Variants in NARS1 observed in about 807,000 individuals in gnomAD.
NARS1 encodes asparagine--tRNA ligase, cytoplasmic.
NARS1 carries 65 observed loss-of-function variants against 79.2 expected under a neutral mutation model. That is an observed-to-expected ratio of 0.82 (90% confidence interval 0.67 to 1.01). The LOEUF (loss-of-function observed/expected upper bound fraction) is 1.01, where lower values mean the gene tolerates loss of function less well. Among genes scored for constraint, NARS1 ranks in the 50% least tolerant of loss-of-function variants. The pLI is 0.00. For missense variants in NARS1, 649 were observed against 673.8 expected (o/e 0.96, Z 0.41); for synonymous variants, 229 against 238.8 (o/e 0.96, Z 0.38).
At position 57,605,957 on chromosome 18, in the gene NARS1, G is replaced by T. The variant is rs373175625; in HGVS notation, c.1151C>A (p.Pro384His). ...VHELNPNFQP[P>H]KRPFKRMNYS... is the part of the protein sequence containing the mutation. ...GTTCATCCGTTTGAAAGGCCGTTTG[G>T]GGGGCTGAAAGTTCTACAGAAGAAA... Residue 384 changes from proline (P) to histidine (H), a missense_variant, in exon 11 of 14, where the codon CCC (proline) becomes CAC (histidine). Pro to His is a moderately conservative substitution (Grantham distance 77). Coordinates refer to ENST00000256854, the MANE Select transcript of NARS1 (RefSeq NM_004539.4). 1 of 1,612,564 alleles carries T rather than the reference G, an allele frequency of 6.2e-7. No homozygotes were observed. The highest frequency in any genetic ancestry group is 8.5e-7 in the Non-Finnish European group (1 of 1,179,116).
chr18:57,602,908 G>A lies in NARS1; in HGVS notation c.1287C>T (p.Asp429=), dbSNP rs372084125. 8.1e-5 allele frequency: 130 copies of A among 1,613,984 alleles called. 1 individual carries two copies. The South Asian group carries it at 1.3e-3, about 16-fold the overall frequency. Residue 429 remains aspartate, a synonymous_variant, in exon 12 of 14, where the codon GAC becomes GAT. Transcript: ENST00000256854. ...IPEAPERLMT[D]TINEPILLCR... ...ACAGCAAGATTGGTTCATTAATGGT[G>A]TCTGTCATCAGTCTCTCAGGAGCTT...
Position 57,615,370 on chromosome 18 carries a change from C to T in NARS1, c.342+271G>A, listed in dbSNP as rs571613783. Among the ~76,000 whole-genome samples the T allele has an allele frequency of 1.4e-4, 22 of 151,926 alleles. No homozygotes were observed. The South Asian group carries it at 1.5e-3, about 10-fold the overall frequency. ...ACAAAACATTAGCCGGGCGTGGTGG[C>T]GGGCGCCTGTAGTCCCAGCTACTCG... On this transcript the variant is annotated intron_variant, in intron 4 of 13. Transcript: ENST00000256854.
chr18:57,619,205 CT>C (rs113965356), intron 2 of NARS1, among the ~76,000 whole-genome samples: 23,311 of 151,066 alleles, frequency 0.15, 2,075 homozygotes, highest in Non-Finnish European at 0.2. Flanking sequence ...AGTAATCCCC[CT>C]ATCTCAGTCT....
At chr18:57,606,588 T>C in intron 10 of NARS1, 28 bp downstream of exon 10, 2 of 1,587,392 alleles carry the variant, frequency 1.3e-6, no homozygotes, top group South Asian at 1.1e-5. Flanking sequence ...GGACTGTGAC[T>C]TTTTCTTTCC....
chr18:57,621,821 C>T lies in NARS1; in HGVS notation c.-104G>A. The T allele has an allele frequency of 6.3e-7, 1 of 1,587,534 alleles. No individual in the cohort carries two copies. On this transcript the variant is annotated 5_prime_UTR_variant, in exon 1 of 14. Coordinates refer to ENST00000256854, the MANE Select transcript of NARS1 (RefSeq NM_004539.4). Reference sequence around the variant, plus strand: ...GGTTTCCGCGATTCCGGCGTTGCATCAGAGAGCGTAGATCTGAGGGCGCCT... The same window carrying T: ...GGTTTCCGCGATTCCGGCGTTGCATTAGAGAGCGTAGATCTGAGGGCGCCT...
At position 57,620,517 on chromosome 18, in the gene NARS1, CA is replaced by C. The variant is rs1485344271; in HGVS notation, c.93+51del. 10 of 1,255,036 alleles carry C rather than the reference CA, an allele frequency of 8.0e-6. No individual in the cohort carries two copies. In the Admixed American group the frequency reaches 2.0e-4, roughly 25 times the overall value. The allele number at this position is 1,255,036 out of a possible 1,614,324, so 77.7% of individuals were successfully genotyped here. A position where few individuals can be genotyped will look rare whatever the true frequency, so the allele number is the denominator to read the frequency against. On this transcript the variant is annotated intron_variant, in intron 2 of 13. Transcript: ENST00000256854. The stretch of plus-strand genomic sequence containing the variant: ...TCTTGGCAAGTCACAAGAAAATTGA[CA>C]TAACTCATTAATAAATGCAGTCTCA...
chr18:57,603,922 C>T lies in NARS1; in HGVS notation c.1252-979G>A, dbSNP rs116990824. ...CCAAAGCCTGAGGGTCATGTATCCACTCTAGTGTCCTCATGTGTGTGGAAC... is the reference window on the plus strand; with the variant it reads ...CCAAAGCCTGAGGGTCATGTATCCATTCTAGTGTCCTCATGTGTGTGGAAC... On this transcript the variant is annotated intron_variant, in intron 11 of 13. Coordinates refer to ENST00000256854, the MANE Select transcript of NARS1 (RefSeq NM_004539.4). 4.5e-3 allele frequency among the ~76,000 whole-genome samples: 660 copies of T among 147,924 alleles called. 2 individuals carry two copies. The highest frequency in any genetic ancestry group is 7.0e-3 in the Non-Finnish European group (462 of 66,142).
rs879191410 is a variant in NARS1, at chr18:57,613,536, T to C, written c.421+66A>G. On this transcript the variant is annotated intron_variant, in intron 5 of 13. Transcript: ENST00000256854. ...AAAAAAACCCCTGCAAATCTTTGTATGTTTTTCTTCATCTAAGAGCAGGGA... is the reference window on the plus strand; with the variant it reads ...AAAAAAACCCCTGCAAATCTTTGTACGTTTTTCTTCATCTAAGAGCAGGGA... 4.4e-6 allele frequency: 6 copies of C among 1,372,784 alleles called. No homozygotes were observed. The East Asian group carries it at 6.9e-5, about 16-fold the overall frequency. 85.0% of individuals were successfully genotyped at this position (1,372,784 alleles called of 1,614,324 possible).
chr18:57,612,423 T>C (rs562002199), intron 5 of NARS1, among the ~76,000 whole-genome samples: 78 of 152,266 alleles, frequency 5.1e-4, no homozygotes, highest in African/African-American at 1.8e-3. Context: ...TTCATTTGTA[T>C]TTTTGTCCCC....
At chr18:57,604,347 G>GTT (rs1367971334) in intron 11 of NARS1, among the ~76,000 whole-genome samples, 1 of 151,664 alleles carries the variant, frequency 6.6e-6, no homozygotes, top group Non-Finnish European at 1.5e-5. Flanking sequence ...GAGGCCAGGA[G>GTT]TTTGAGACCA....
rs2051560667 is a variant in NARS1, at chr18:57,606,706, G to T, written c.1047C>A (p.Asp349Glu). Residue 349 changes from aspartate (D) to glutamate (E), a missense_variant, in exon 10 of 14, where the codon GAC becomes GAA. Coordinates refer to ENST00000256854, the MANE Select transcript of NARS1 (RefSeq NM_004539.4). ...EAECPFLTFD[D>E]LLNRLEDLVC... Reference sequence around the variant, plus strand: ...CCAAGTCCTCCAACCGGTTCAGGAGGTCGTCAAAAGTCAGGAAAGGACACT... The same window carrying T: ...CCAAGTCCTCCAACCGGTTCAGGAGTTCGTCAAAAGTCAGGAAAGGACACT... 2.5e-6 allele frequency: 4 copies of T among 1,614,156 alleles called. No individual in the cohort carries two copies. The highest frequency in any genetic ancestry group is 3.4e-6 in the Non-Finnish European group (4 of 1,180,022).
intron 9 of NARS1, 90 bp from the exon 10 acceptor site, chr18:57,606,841 A>T: frequency 6.5e-7 from 1 of 1,533,428 alleles, no homozygotes; most frequent in Non-Finnish European, 8.9e-7. Flanking sequence ...GCTGTCCATA[A>T]AATGCCAACA....
At chr18:57,602,516 A>G in intron 12 of NARS1, 30 bp from the exon 13 acceptor site, 1 of 1,612,124 alleles carries the variant, frequency 6.2e-7, no homozygotes, top group Non-Finnish European at 8.5e-7. Flanking sequence ...AAGATACACA[A>G]TTACTATCAA....
At position 57,601,768 on chromosome 18, in the gene NARS1, A is replaced by G; in HGVS notation, c.1531T>C (p.Cys511Arg). The G allele has an allele frequency of 4.3e-6, 7 of 1,613,414 alleles. No individual in the cohort carries two copies. Among genetic ancestry groups the G allele is most frequent in the Non-Finnish European group, 5.9e-6 (7 of 1,179,396 alleles). Residue 511 changes from cysteine to arginine, a missense_variant, in exon 14 of 14, where the codon TGT (cysteine) becomes CGT (arginine). Cys to Arg is a radical substitution (Grantham distance 180). Transcript: ENST00000256854. Reference protein sequence around the residue: ...WYTDQRKYGTCPHGGYGLGLE... With the variant: ...WYTDQRKYGTRPHGGYGLGLE... Reference sequence around the variant, plus strand: ...CCCAAGCCATATCCTCCATGGGGACATGTACCGTATTTTCTCTGTTTAAAA... The same window carrying G: ...CCCAAGCCATATCCTCCATGGGGACGTGTACCGTATTTTCTCTGTTTAAAA...
In NARS1 at chr18:57,607,173, T is replaced by C; in HGVS notation, c.962A>G (p.Tyr321Cys). 6.2e-7 allele frequency: 1 copy of C among 1,614,128 alleles called. No homozygotes were observed. The highest frequency in any genetic ancestry group is 1.7e-5 in the Admixed American group (1 of 59,996). Residue 321 changes from tyrosine to cysteine, a missense_variant, in exon 9 of 14, where the codon TAC becomes TGC. Coordinates refer to ENST00000256854, the MANE Select transcript of NARS1 (RefSeq NM_004539.4). Reference sequence around the variant, plus strand: ...TCGTGTTCTGGACTGCTCTGCCCGGTATGACTGAGCAATACAAAAAACATC... The same window carrying C: ...TCGTGTTCTGGACTGCTCTGCCCGGCATGACTGAGCAATACAAAAAACATC... ...LGDVFCIAQS[Y>C]RAEQSRTRRH...
In NARS1 at chr18:57,607,304, T is replaced by C. The variant is rs768850583; in HGVS notation, c.831A>G (p.Gln277=). The change falls in exon 9 of 14, where the codon CAA becomes CAG. Residue 277 remains glutamine, a synonymous_variant. Coordinates refer to ENST00000256854, the MANE Select transcript of NARS1 (RefSeq NM_004539.4). The stretch of plus-strand genomic sequence containing the variant: ...TGAAGAGTGTGGCACCACCTTCTAC[T>C]TGTGTTTGCACTAATGTTGGAGGAG... The part of the protein sequence containing the change: ...EVTPPTLVQT[Q]VEGGATLFKL... The C allele has an allele frequency of 3.1e-6, 5 of 1,614,196 alleles. No individual in the cohort carries two copies. The South Asian group carries it at 5.5e-5, about 18-fold the overall frequency.
rs933652334 is a variant in NARS1 at position 57,617,108 on chromosome 18, A to G, written c.94-1133T>C. ...AAAATGTATTGTTTGTAGTTTTTAA[A>G]AAATAGTTCAAAGTACATAAAAGAT... On this transcript the variant is annotated intron_variant, in intron 2 of 13. Coordinates refer to ENST00000256854, the MANE Select transcript of NARS1 (RefSeq NM_004539.4). 4.6e-5 allele frequency among the ~76,000 whole-genome samples: 7 copies of G among 152,204 alleles called. No individual in the cohort carries two copies. The East Asian group carries it at 7.7e-4, about 17-fold the overall frequency.
intron 11 of NARS1, among the ~76,000 whole-genome samples, chr18:57,605,134 A>AAAAATATATAT (rs536569272): frequency 7.4e-6 from 1 of 135,234 alleles, no homozygotes; most frequent in African/African-American, 2.9e-5. Context: ...AAAAAAAAAA[A>AAAAATATATAT]ATATATATAT....
At chr18:57,608,512 GGTT>G (rs1385641670) in intron 7 of NARS1, among the ~76,000 whole-genome samples, 1 of 151,780 alleles carries the variant, frequency 6.6e-6, no homozygotes, top group African/African-American at 2.4e-5. Context: ...TATTTAGGTG[GGTT>G]GTTAAGTTTT....
Sources: gnomAD v4.1 joint callset for allele counts (sites outside exome capture counted in the v4.1 genomes callset) on GRCh38, gnomAD v4.1.1 for gene constraint, MANE v1.5 for transcripts, NCBI Gene and HGNC (gene_info 2026-07-23, HGNC 2026-07-21) for gene names.